Variants in ZNF704 observed in about 807,000 individuals in gnomAD.
ZNF704 encodes glucocorticoid induced gene 1.
In ZNF704, 10 loss-of-function variants were observed where a neutral mutation model predicts 44.7. That is an observed-to-expected ratio of 0.22 (90% CI 0.14 to 0.38). ZNF704 has a LOEUF of 0.38. Ranked by LOEUF, ZNF704 falls within the 10% of genes least tolerant of loss-of-function variation. ZNF704 has a pLI of 1.00. For synonymous variants in ZNF704, 211 were observed against 207.6 expected, an observed-to-expected ratio of 1.02 and a Z score of -0.14; for missense variants, 390 against 545.5, an observed-to-expected ratio of 0.71 and a Z score of 2.84.
intron 1 of ZNF704, among the ~76,000 whole-genome samples, chr8:80,852,611 G>A (rs1250850498): frequency 6.6e-6 from 1 of 152,134 alleles, no homozygotes. Flanking sequence ...TATTTTACAT[G>A]CCCACTTGTA....
At chr8:80,680,610 C>T (rs192245761) in intron 4 of ZNF704, among the ~76,000 whole-genome samples, 1 of 152,268 alleles carries the variant, frequency 6.6e-6, no homozygotes, top group Non-Finnish European at 1.5e-5. Context: ...CACAGATCCC[C>T]AGCAGGTGCC....
chr8:80,844,838 T>C (rs1488257025), intron 1 of ZNF704, among the ~76,000 whole-genome samples: 1 of 151,194 alleles, frequency 6.6e-6, no homozygotes, highest in East Asian at 1.9e-4. Context: ...TTTTTATTTA[T>C]TTATTTATTT....
chr8:80,667,810 A>C (rs1389320529), intron 5 of ZNF704, among the ~76,000 whole-genome samples: 3 of 152,202 alleles, frequency 2.0e-5, no homozygotes, highest in African/African-American at 7.2e-5. Context: ...AGTTGTGTGC[A>C]TGATTTTGGT....
intron 4 of ZNF704, among the ~76,000 whole-genome samples, chr8:80,674,124 G>A (rs1054357593): frequency 6.6e-6 from 1 of 152,188 alleles, no homozygotes; most frequent in African/African-American, 2.4e-5. Flanking sequence ...TGATCCTTAT[G>A]AGCCTGTATT....
intron 5 of ZNF704, among the ~76,000 whole-genome samples, chr8:80,668,332 T>C (rs1818227290): frequency 6.6e-6 from 1 of 152,190 alleles, no homozygotes; most frequent in African/African-American, 2.4e-5. Flanking sequence ...CCTCACCTCT[T>C]CACAGGCCTG....
At chr8:80,767,158 T>C (rs1365399569) in intron 2 of ZNF704, among the ~76,000 whole-genome samples, 3 of 151,780 alleles carry the variant, frequency 2.0e-5, no homozygotes, top group African/African-American at 7.3e-5. Flanking sequence ...TACGTTGAGG[T>C]CCCAGGAATT....
At chr8:80,658,659 T>A (rs1818052869) in intron 7 of ZNF704, 3 of 152,268 alleles carry the variant, frequency 2.0e-5, no homozygotes, top group Admixed American at 1.3e-4. Context: ...TCTAGCAGTA[T>A]GCTTTTTATT....
At position 80,854,330 on chromosome 8, in the gene ZNF704, G is replaced by T. The variant is rs534983369; in HGVS notation, c.-22+20241C>A. Among the ~76,000 whole-genome samples, 15 of 152,110 alleles carry T rather than the reference G, an allele frequency of 9.9e-5. No homozygotes were observed. In the South Asian group the frequency reaches 3.1e-3, roughly 32 times the overall value. ...ATATTTTTCTCCATTTCCCCTCAGT[G>T]CCTTCCTGTCAATTTTATCAACTTT... On this transcript the variant is annotated intron_variant, in intron 1 of 8. Coordinates refer to ENST00000327835, the MANE Select transcript of ZNF704 (RefSeq NM_001033723.3).
intron 2 of ZNF704, among the ~76,000 whole-genome samples, chr8:80,813,695 G>A (rs529109522): frequency 1.3e-5 from 2 of 152,168 alleles, no homozygotes; most frequent in East Asian, 3.9e-4. Context: ...GTCTTAACAC[G>A]GTGAAACCCC....
At chr8:80,803,839 T>G (rs1398113320) in intron 2 of ZNF704, among the ~76,000 whole-genome samples, 2 of 152,200 alleles carry the variant, frequency 1.3e-5, no homozygotes, top group African/African-American at 4.8e-5. Context: ...AAATGGGATC[T>G]AATTAAACTA....
chr8:80,826,971 C>T (rs1808388647), intron 1 of ZNF704, among the ~76,000 whole-genome samples: 1 of 152,160 alleles, frequency 6.6e-6, no homozygotes, highest in African/African-American at 2.4e-5. Flanking sequence ...GAATATCATA[C>T]TGAGTGGGCA....
chr8:80,793,557 T>G (rs1807749030), intron 2 of ZNF704, among the ~76,000 whole-genome samples: 1 of 152,100 alleles, frequency 6.6e-6, no homozygotes, highest in Admixed American at 6.6e-5. Flanking sequence ...AAGCTGTTTA[T>G]GTAAAGCATA....
chr8:80,658,272 G>A (rs1166237429), intron 7 of ZNF704, among the ~76,000 whole-genome samples: 1 of 151,994 alleles, frequency 6.6e-6, no homozygotes, highest in Non-Finnish European at 1.5e-5. Flanking sequence ...TTAATAGGAT[G>A]CAGAAAAGAT....
chr8:80,685,683 T>C (rs1044198318), intron 4 of ZNF704, among the ~76,000 whole-genome samples: 4 of 152,204 alleles, frequency 2.6e-5, no homozygotes, highest in Non-Finnish European at 5.9e-5. Context: ...CCACTGCCTC[T>C]GGGAAGGTCA....
chr8:80,664,744 C>T (rs774406680), intron 6 of ZNF704, 71 bp downstream of exon 6: 8 of 1,584,352 alleles, frequency 5.0e-6, no homozygotes, highest in Non-Finnish European at 6.9e-6. Flanking sequence ...TTGTCTTTTA[C>T]TCATAGGCCA....
At chr8:80,644,051 C>T (rs547391431) in intron 7 of ZNF704, among the ~76,000 whole-genome samples, 6 of 152,274 alleles carry the variant, frequency 3.9e-5, no homozygotes, top group East Asian at 3.9e-4. Context: ...GAACGTATGC[C>T]ACCCACCGAA....
chr8:80,837,022 T>C lies in ZNF704; in HGVS notation c.-21-15407A>G, dbSNP rs572947783. 8.5e-5 allele frequency among the ~76,000 whole-genome samples: 13 copies of C among 152,238 alleles called. No individual in the cohort carries two copies. The East Asian group carries it at 2.1e-3, about 25-fold the overall frequency. Reference sequence around the variant, plus strand: ...ATCTGAAACAGCATGGGCACTCTTGTAGCATTATTACATAAATGGAGTTTC... The same window carrying C: ...ATCTGAAACAGCATGGGCACTCTTGCAGCATTATTACATAAATGGAGTTTC... On this transcript the variant is annotated intron_variant, in intron 1 of 8. Transcript: ENST00000327835.
rs1388635623 is a variant in ZNF704 at position 80,630,183 on chromosome 8, AG to A, written c.*11182del. The A allele has an allele frequency of 6.6e-6, 1 of 152,270 alleles. No homozygotes were observed. The allele number at this position is 152,270 out of a possible 1,614,324, so 9.4% of individuals were successfully genotyped here. The stretch of plus-strand genomic sequence containing the variant: ...TACATGCTACTCTTTGAAAATGCAT[AG>A]TTTATAATTTTATACATTCATTCAC... On this transcript the variant is annotated 3_prime_UTR_variant, in exon 9 of 9. Transcript: ENST00000327835.
intron 2 of ZNF704, among the ~76,000 whole-genome samples, chr8:80,790,416 G>A (rs956021348): frequency 6.6e-6 from 1 of 152,150 alleles, no homozygotes; most frequent in South Asian, 2.1e-4. Context: ...ATGCCTGAGG[G>A]CCAAGGACTG....
Sources: gnomAD v4.1 joint callset for allele counts (sites outside exome capture counted in the v4.1 genomes callset) on GRCh38, gnomAD v4.1.1 for gene constraint, MANE v1.5 for transcripts, NCBI Gene and HGNC (gene_info 2026-07-23, HGNC 2026-07-21) for gene names.